PRMT3: variants seen among roughly 807,000 people sequenced by gnomAD.
The protein encoded by PRMT3 is protein arginine methyltransferase 3.
Under a neutral mutation model 71.9 loss-of-function variants are expected in PRMT3, and 62 were observed. The observed-to-expected ratio is 0.86, with a 90% CI of 0.70 to 1.07. The LOEUF is 1.07. Among genes scored for constraint, PRMT3 ranks in the 50% least tolerant of loss-of-function variants. The pLI is 0.00. For missense variants in PRMT3, 663 were observed against 643.0 expected (o/e 1.03, Z -0.34); for synonymous variants, 213 against 220.4 (o/e 0.97, Z 0.30).
chr11:20,448,600 G>C (rs919476907), intron 10 of PRMT3, among the ~76,000 whole-genome samples: 7 of 151,724 alleles, frequency 4.6e-5, no homozygotes, highest in African/African-American at 1.7e-4. Flanking sequence ...TTTGCCTAGA[G>C]ATGTATCAGT....
intron 10 of PRMT3, among the ~76,000 whole-genome samples, chr11:20,430,555 C>T (rs773930913): frequency 5.9e-5 from 9 of 152,000 alleles, no homozygotes; most frequent in Non-Finnish European, 1.0e-4. Flanking sequence ...CTAGGCTTGC[C>T]TTTAATTTTA....
At chr11:20,399,061 A>G (rs1182688709) in intron 7 of PRMT3, among the ~76,000 whole-genome samples, 2 of 152,246 alleles carry the variant, frequency 1.3e-5, no homozygotes, top group Non-Finnish European at 2.9e-5. Context: ...AGTGAAATTG[A>G]GAATATCTAC....
chr11:20,469,202 C>A (rs1425997695), intron 13 of PRMT3, among the ~76,000 whole-genome samples: 3 of 152,114 alleles, frequency 2.0e-5, no homozygotes, highest in Non-Finnish European at 4.4e-5. Flanking sequence ...CAAAAATGAA[C>A]AATAAAGTCA....
At chr11:20,424,820 A>G (rs1214199801) in intron 9 of PRMT3, among the ~76,000 whole-genome samples, 2 of 152,228 alleles carry the variant, frequency 1.3e-5, no homozygotes, top group African/African-American at 4.8e-5. Flanking sequence ...CTTAGAATTC[A>G]GTAATAAGAA....
At chr11:20,388,883 G>A (rs1848653248) in intron 2 of PRMT3, among the ~76,000 whole-genome samples, 1 of 152,232 alleles carries the variant, frequency 6.6e-6, no homozygotes, top group Non-Finnish European at 1.5e-5. Context: ...GGCCCGGTTG[G>A]CATTGGCCGG....
At position 20,506,290 on chromosome 11, in the gene PRMT3, A is replaced by G. The variant is rs1445299895; in HGVS notation, c.1487-2014A>G. Among the ~76,000 whole-genome samples, 10 of 152,348 alleles carry G rather than the reference A, an allele frequency of 6.6e-5. No individual in the cohort carries two copies. The South Asian group carries it at 1.0e-3, about 16-fold the overall frequency. On this transcript the variant is annotated intron_variant, in intron 15 of 15. Transcript: ENST00000331079. ...ACTGGTAATCTTTATTATGTCCACT[A>G]TTGGTGAACATGTCATATGAGATAG...
chr11:20,462,595 G>A (rs577786493), intron 12 of PRMT3, among the ~76,000 whole-genome samples: 10 of 152,176 alleles, frequency 6.6e-5, no homozygotes, highest in Middle Eastern at 3.4e-3. Flanking sequence ...AGCGTTTTCA[G>A]ATTAAGTAAT....
At chr11:20,409,487 A>G (rs1322920104) in intron 9 of PRMT3, among the ~76,000 whole-genome samples, 4 of 152,232 alleles carry the variant, frequency 2.6e-5, no homozygotes, top group African/African-American at 4.8e-5. Context: ...AGATATACAT[A>G]TAAATCAGAT....
chr11:20,468,732 T>C (rs141041286), intron 13 of PRMT3, among the ~76,000 whole-genome samples: 1 of 152,324 alleles, frequency 6.6e-6, no homozygotes, highest in African/African-American at 2.4e-5. Flanking sequence ...TTAGAGGAAA[T>C]TGGATTTTAC....
intron 10 of PRMT3, among the ~76,000 whole-genome samples, chr11:20,440,489 CA>C (rs55801324): frequency 0.011 from 1,300 of 115,832 alleles, 19 homozygotes; most frequent in African/African-American, 0.034. Context: ...ACTAAAAATA[CA>C]AAAAAAAAAA....
Position 20,392,138 on chromosome 11 carries a change from G to C in PRMT3, c.248-73G>C, listed in dbSNP as rs1236383818. 2.9e-6 allele frequency: 4 copies of C among 1,393,090 alleles called. No homozygotes were observed. The East Asian group carries it at 7.3e-5, about 26-fold the overall frequency. 86.3% of individuals were successfully genotyped at this position (1,393,090 alleles called of 1,614,324 possible). On this transcript the variant is annotated intron_variant, in intron 3 of 15. Transcript: ENST00000331079. ...ATTATTTTATTGTTTAATCAGAGAA[G>C]GCTTTATAGAATAGGTCAGTTAAAC...
intron 4 of PRMT3, 28 bp downstream of exon 4, chr11:20,392,288 C>T (rs1314168763): frequency 1.7e-5 from 26 of 1,537,478 alleles, no homozygotes; most frequent in Admixed American, 3.9e-5. Flanking sequence ...TTTATAATTT[C>T]GTTTAGAAAT....
chr11:20,465,354 CATATTT>C (rs1850487698), intron 13 of PRMT3, among the ~76,000 whole-genome samples: 1 of 151,784 alleles, frequency 6.6e-6, no homozygotes, highest in African/African-American at 2.4e-5. Context: ...GTGGTATTAA[CATATTT>C]ATATTATTTT....
intron 15 of PRMT3, among the ~76,000 whole-genome samples, chr11:20,507,080 T>C (rs1365971634): frequency 6.6e-6 from 1 of 152,216 alleles, no homozygotes; most frequent in East Asian, 1.9e-4. Context: ...AAAATGCCAT[T>C]CCTGAAGGTT....
At chr11:20,401,079 C>A (rs1316751856) in intron 7 of PRMT3, among the ~76,000 whole-genome samples, 1 of 151,720 alleles carries the variant, frequency 6.6e-6, no homozygotes, top group Non-Finnish European at 1.5e-5. Flanking sequence ...AGCATACAAA[C>A]AAAAACAGAT....
intron 9 of PRMT3, among the ~76,000 whole-genome samples, chr11:20,424,124 C>T (rs1017921634): frequency 2.7e-5 from 4 of 147,062 alleles, no homozygotes; most frequent in Admixed American, 6.9e-5. Context: ...GTGGAGCTTA[C>T]AGTGAGCCGA....
At chr11:20,433,280 C>G (rs1174213383) in intron 10 of PRMT3, among the ~76,000 whole-genome samples, 3 of 152,076 alleles carry the variant, frequency 2.0e-5, no homozygotes, top group African/African-American at 7.2e-5. Context: ...CATTTAGCTC[C>G]CACTTATAAG....
At chr11:20,452,798 T>C (rs1218254406) in intron 11 of PRMT3, among the ~76,000 whole-genome samples, 2 of 152,222 alleles carry the variant, frequency 1.3e-5, no homozygotes, top group South Asian at 4.1e-4. Flanking sequence ...GATTCTGTTT[T>C]TACAGACCAT....
intron 10 of PRMT3, among the ~76,000 whole-genome samples, chr11:20,427,090 T>C (rs1849564884): frequency 6.6e-6 from 1 of 152,188 alleles, no homozygotes; most frequent in Admixed American, 6.5e-5. Context: ...TCATAATCTT[T>C]AAAAAGTGAT....
Sources: gnomAD v4.1 joint callset for allele counts (sites outside exome capture counted in the v4.1 genomes callset) on GRCh38, gnomAD v4.1.1 for gene constraint, MANE v1.5 for transcripts, NCBI Gene and HGNC (gene_info 2026-07-23, HGNC 2026-07-21) for gene names.